Variants in CCDC15 observed in about 807,000 individuals in gnomAD.
CCDC15 encodes coiled-coil domain-containing protein 15.
Under a neutral mutation model 114.5 loss-of-function variants are expected in CCDC15, and 105 were observed. The observed-to-expected ratio is 0.92, with a 90% CI of 0.78 to 1.08. The LOEUF is 1.08. Ranked by LOEUF, CCDC15 falls within the 50% of genes least tolerant of loss-of-function variation. CCDC15 has a pLI of 0.00. For missense variants in CCDC15, 1,105 were observed against 1,093.6 expected (o/e 1.01, Z -0.15); for synonymous variants, 334 against 377.8 (o/e 0.88, Z 1.34).
At chr11:125,040,063 T>TC (rs944801198) in intron 15 of CCDC15, among the ~76,000 whole-genome samples, 4 of 151,862 alleles carry the variant, frequency 2.6e-5, no homozygotes, top group African/African-American at 4.8e-5. Context: ...TTTTTTTTTT[T>TC]CCGAGACAGC....
At chr11:124,993,821 A>C (rs1417414757) in intron 11 of CCDC15, among the ~76,000 whole-genome samples, 2 of 152,248 alleles carry the variant, frequency 1.3e-5, no homozygotes, top group African/African-American at 4.8e-5. Flanking sequence ...TAATATTATT[A>C]TGAATAACAG....
At chr11:124,972,347 T>A (rs1208730450) in intron 4 of CCDC15, among the ~76,000 whole-genome samples, 1 of 152,180 alleles carries the variant, frequency 6.6e-6, no homozygotes, top group Non-Finnish European at 1.5e-5. Flanking sequence ...TATGTACATT[T>A]AAACATATAT....
intron 9 of CCDC15, 92 bp downstream of exon 9, chr11:124,991,675 C>T: frequency 8.3e-7 from 1 of 1,204,512 alleles, no homozygotes; most frequent in Non-Finnish European, 1.1e-6. Flanking sequence ...GATTTTGGAG[C>T]TAACCTAAGA....
intron 6 of CCDC15, among the ~76,000 whole-genome samples, chr11:124,985,124 G>A (rs1948135228): frequency 6.6e-6 from 1 of 152,146 alleles, no homozygotes; most frequent in Non-Finnish European, 1.5e-5. Flanking sequence ...TTTTGTGACT[G>A]TTTTTTCTCT....
intron 6 of CCDC15, 134 bp downstream of exon 6, chr11:124,977,734 C>A: frequency 1.2e-6 from 1 of 848,888 alleles, no homozygotes; most frequent in Non-Finnish European, 1.7e-6. Flanking sequence ...AATTCATATA[C>A]CATACAATTC....
intron 1 of CCDC15, 97 bp from the exon 2 acceptor site, chr11:124,954,627 T>A: frequency 9.8e-7 from 1 of 1,024,370 alleles, no homozygotes; most frequent in Non-Finnish European, 1.5e-6. Context: ...CCTCCAGGGC[T>A]TCTCTCCTTT....
intron 6 of CCDC15, among the ~76,000 whole-genome samples, chr11:124,979,467 T>A (rs1348894095): frequency 6.6e-6 from 1 of 152,196 alleles, no homozygotes; most frequent in African/African-American, 2.4e-5. Context: ...TTGAGCATTG[T>A]TTTTTAATTC....
chr11:124,956,634 A>G (rs987098451), intron 2 of CCDC15, among the ~76,000 whole-genome samples: 4 of 152,218 alleles, frequency 2.6e-5, no homozygotes, highest in African/African-American at 9.6e-5. Flanking sequence ...TTTCTATGTT[A>G]AGAAGTATTG....
chr11:125,029,161 A>G (rs1948722620), intron 13 of CCDC15, among the ~76,000 whole-genome samples: 1 of 152,192 alleles, frequency 6.6e-6, no homozygotes, highest in Non-Finnish European at 1.5e-5. Context: ...AACCCAGAGT[A>G]AGAGTGGGTC....
intron 11 of CCDC15, among the ~76,000 whole-genome samples, chr11:124,998,723 TGAGA>T (rs929056512): frequency 6.6e-6 from 1 of 151,062 alleles, no homozygotes; most frequent in Non-Finnish European, 1.5e-5. Context: ...ATGAAAAACT[TGAGA>T]GAGTCTCTAC....
intron 13 of CCDC15, among the ~76,000 whole-genome samples, chr11:125,025,195 C>G (rs1369547657): frequency 6.9e-6 from 1 of 145,318 alleles, no homozygotes; most frequent in Non-Finnish European, 1.5e-5. Context: ...TATATATATT[C>G]TTTCATATAT....
At chr11:124,976,118 A>G (rs982278814) in intron 5 of CCDC15, among the ~76,000 whole-genome samples, 1 of 151,108 alleles carries the variant, frequency 6.6e-6, no homozygotes, top group Non-Finnish European at 1.5e-5. Context: ...GCCAATAAAT[A>G]TGTTATTTTT....
chr11:125,038,793 C>G, intron 14 of CCDC15, 128 bp from the exon 15 acceptor site: 2 of 1,279,856 alleles, frequency 1.6e-6, no homozygotes, highest in Non-Finnish European at 2.2e-6. Flanking sequence ...TTTCCCAGTA[C>G]AAAGAGGAAA....
In CCDC15 at chr11:124,985,302, G is replaced by A. The variant is rs564004068; in HGVS notation, c.754-1440G>A. Among the ~76,000 whole-genome samples the A allele has an allele frequency of 2.1e-4, 32 of 152,262 alleles. 1 individual carries two copies. In the South Asian group the frequency reaches 4.6e-3, roughly 22 times the overall value. Reference sequence around the variant, plus strand: ...TTCTTGGTGTTTATGAATTATGAACGATTGTGTATGAGCAGTTGTGTACAC... The same window carrying A: ...TTCTTGGTGTTTATGAATTATGAACAATTGTGTATGAGCAGTTGTGTACAC... On this transcript the variant is annotated intron_variant, in intron 6 of 15. Transcript: ENST00000344762.
At chr11:125,017,959 A>G (rs1230591363) in intron 13 of CCDC15, among the ~76,000 whole-genome samples, 1 of 152,166 alleles carries the variant, frequency 6.6e-6, no homozygotes, top group Admixed American at 6.6e-5. Context: ...ATTATAAAAG[A>G]GTCAAGTAAA....
At position 125,040,599 on chromosome 11, in the gene CCDC15, G is replaced by A. The variant is rs749849352; in HGVS notation, c.2744G>A (p.Arg915Gln). Residue 915 changes from arginine to glutamine, a missense_variant, in exon 16 of 16, where the codon CGG becomes CAG. Arg to Gln is a conservative substitution (Grantham distance 43, BLOSUM62 1). Transcript: ENST00000344762. ...AAACCTTTTTTTGCAGCATATACTC[G>A]GGCACTACATTCATTCATCAATTCC... The part of the protein sequence containing the change: ...IFYKNHRAYT[R>Q]ALHSFINSCD... 23 of 1,607,954 alleles carry A rather than the reference G, an allele frequency of 1.4e-5. No individual in the cohort carries two copies. The highest frequency in any genetic ancestry group is 1.6e-5 in the Non-Finnish European group (19 of 1,176,822).
chr11:124,991,642 A>C, intron 9 of CCDC15, 59 bp downstream of exon 9: 1 of 1,412,018 alleles, frequency 7.1e-7, no homozygotes. Flanking sequence ...ATAAATCCCA[A>C]CAACTGGTAA....
chr11:124,959,307 A>T, intron 3 of CCDC15, 43 bp downstream of exon 3: 1 of 1,479,498 alleles, frequency 6.8e-7, no homozygotes, highest in Non-Finnish European at 9.1e-7. Flanking sequence ...AATGGAAAAT[A>T]TGTGTGTTAT....
At chr11:125,004,291 C>A (rs941865390) in intron 12 of CCDC15, among the ~76,000 whole-genome samples, 4 of 151,490 alleles carry the variant, frequency 2.6e-5, no homozygotes, top group Admixed American at 1.3e-4. Flanking sequence ...TTAGTTTAAA[C>A]CGATAGTTCT....
Sources: gnomAD v4.1 joint callset for allele counts (sites outside exome capture counted in the v4.1 genomes callset) on GRCh38, gnomAD v4.1.1 for gene constraint, MANE v1.5 for transcripts, NCBI Gene and HGNC (gene_info 2026-07-23, HGNC 2026-07-21) for gene names.